Variants in MAGI2 observed in about 807,000 individuals in gnomAD.
The protein encoded by MAGI2 is membrane-associated guanylate kinase, WW and PDZ domain-containing protein 2.
MAGI2 carries 35 observed loss-of-function variants against 133.3 expected under a neutral mutation model. The observed-to-expected ratio is 0.26, with a 90% CI of 0.20 to 0.35. MAGI2 has a LOEUF of 0.35. Ranked by LOEUF, MAGI2 falls within the 10% of genes least tolerant of loss-of-function variation. MAGI2 has a pLI of 1.00. For synonymous variants in MAGI2, 729 were observed against 710.6 expected, an observed-to-expected ratio of 1.03 and a Z score of -0.41; for missense variants, 1,636 against 1,863.4, an observed-to-expected ratio of 0.88 and a Z score of 2.25.
At chr7:78,618,565 A>T (rs1026635535) in intron 3 of MAGI2, 2 of 151,902 alleles carry the variant, frequency 1.3e-5, no homozygotes, top group South Asian at 2.1e-4. Context: ...CACTCAAAGG[A>T]CATGATTTTT....
chr7:78,142,962 C>T (rs1159212746), intron 16 of MAGI2, among the ~76,000 whole-genome samples: 1 of 152,100 alleles, frequency 6.6e-6, no homozygotes, highest in Non-Finnish European at 1.5e-5. Flanking sequence ...CTGTTTGGGT[C>T]TGAATGTCAG....
chr7:78,394,977 T>C (rs1796213389), intron 6 of MAGI2, among the ~76,000 whole-genome samples: 1 of 152,226 alleles, frequency 6.6e-6, no homozygotes, highest in Non-Finnish European at 1.5e-5. Flanking sequence ...TAACCTGAAC[T>C]GGATCTACAA....
At chr7:78,679,789 T>C (rs1815449612) in intron 2 of MAGI2, among the ~76,000 whole-genome samples, 1 of 152,064 alleles carries the variant, frequency 6.6e-6, no homozygotes, top group Non-Finnish European at 1.5e-5. Flanking sequence ...TGATCAGAGA[T>C]GAGGTGCTTT....
At chr7:78,525,633 C>T (rs1301111076) in intron 3 of MAGI2, among the ~76,000 whole-genome samples, 1 of 152,168 alleles carries the variant, frequency 6.6e-6, no homozygotes, top group African/African-American at 2.4e-5. Context: ...CCTCCACAAA[C>T]CCACAACAAT....
At chr7:79,065,603 G>A (rs59593567) in intron 1 of MAGI2, among the ~76,000 whole-genome samples, 5,175 of 152,120 alleles carry the variant, frequency 0.034, 200 homozygotes, top group African/African-American at 0.084. Context: ...AGGTACATGT[G>A]CAGAATGTGC....
intron 5 of MAGI2, among the ~76,000 whole-genome samples, chr7:78,490,788 T>G (rs1230732726): frequency 1.3e-5 from 2 of 152,098 alleles, no homozygotes; most frequent in Non-Finnish European, 2.9e-5. Flanking sequence ...ATGTTTACTG[T>G]GTACAGCTGT....
intron 6 of MAGI2, among the ~76,000 whole-genome samples, chr7:78,473,345 C>T (rs1791421674): frequency 6.6e-6 from 1 of 152,056 alleles, no homozygotes; most frequent in Non-Finnish European, 1.5e-5. Context: ...TTTTTGATGG[C>T]ACACAAGTGT....
At chr7:78,647,568 A>G (rs1811031327) in intron 2 of MAGI2, among the ~76,000 whole-genome samples, 1 of 152,212 alleles carries the variant, frequency 6.6e-6, no homozygotes, top group Non-Finnish European at 1.5e-5. Context: ...TAGTTCAACC[A>G]TCATGGAAGA....
intron 2 of MAGI2, among the ~76,000 whole-genome samples, chr7:78,858,047 T>A (rs1243389103): frequency 6.6e-6 from 1 of 152,162 alleles, no homozygotes; most frequent in Non-Finnish European, 1.5e-5. Flanking sequence ...CACAGAGGTG[T>A]TTATATTATT....
chr7:78,436,400 G>A (rs1800292353), intron 6 of MAGI2, among the ~76,000 whole-genome samples: 1 of 152,094 alleles, frequency 6.6e-6, no homozygotes, highest in African/African-American at 2.4e-5. Flanking sequence ...TGAGGAGAAA[G>A]TCCTTGCAAC....
intron 6 of MAGI2, among the ~76,000 whole-genome samples, chr7:78,402,918 T>A (rs192338510): frequency 1.3e-5 from 2 of 152,224 alleles, no homozygotes; most frequent in Non-Finnish European, 1.5e-5. Flanking sequence ...TATATTGGTA[T>A]AAATTTAACA....
At chr7:78,057,957 C>T (rs918692348) in intron 21 of MAGI2, among the ~76,000 whole-genome samples, 4 of 46,166 alleles carry the variant, frequency 8.7e-5, no homozygotes, top group African/African-American at 2.8e-4. Flanking sequence ...TTTCTCCCCT[C>T]TGGCATTTTA....
intron 9 of MAGI2, among the ~76,000 whole-genome samples, chr7:78,300,999 A>G (rs751870293): frequency 3.9e-5 from 6 of 152,208 alleles, no homozygotes; most frequent in Non-Finnish European, 5.9e-5. Context: ...GTAACCCTGT[A>G]ATGTAGGAAT....
At chr7:79,339,699 G>A (rs958354070) in intron 1 of MAGI2, among the ~76,000 whole-genome samples, 12 of 152,078 alleles carry the variant, frequency 7.9e-5, no homozygotes, top group Non-Finnish European at 1.3e-4. Context: ...TCTAGTACGT[G>A]AGCAGTATTT....
intron 1 of MAGI2, among the ~76,000 whole-genome samples, chr7:79,072,529 G>T (rs1164047115): frequency 6.6e-6 from 1 of 152,094 alleles, no homozygotes; most frequent in African/African-American, 2.4e-5. Flanking sequence ...CTACTATGTG[G>T]TTGATGTATG....
chr7:79,113,020 T>A (rs1819062596), intron 1 of MAGI2, among the ~76,000 whole-genome samples: 1 of 152,248 alleles, frequency 6.6e-6, no homozygotes, highest in Non-Finnish European at 1.5e-5. Context: ...TAACAGATCT[T>A]GCCTTCTTAT....
intron 3 of MAGI2, among the ~76,000 whole-genome samples, chr7:78,573,401 T>TATATATATATAC (rs1563189756): frequency 1.3e-5 from 1 of 74,210 alleles, no homozygotes; most frequent in African/African-American, 5.5e-5. Flanking sequence ...TATATATATA[T>TATATATATATAC]ATAGGCTGCC....
chr7:78,243,222 GAT>G (rs1466484998), intron 10 of MAGI2, among the ~76,000 whole-genome samples: 2 of 117,562 alleles, frequency 1.7e-5, no homozygotes, highest in Non-Finnish European at 3.4e-5. Flanking sequence ...AAATGGTTCA[GAT>G]ACACACACAC....
intron 10 of MAGI2, among the ~76,000 whole-genome samples, chr7:78,205,576 G>T (rs1829656591): frequency 6.6e-6 from 1 of 152,000 alleles, no homozygotes; most frequent in South Asian, 2.1e-4. Context: ...ATACTACATG[G>T]GACATACTGC....
Sources: allele counts gnomAD v4.1 joint callset (sites outside exome capture counted in the v4.1 genomes callset), GRCh38; gene constraint gnomAD v4.1.1; transcripts MANE v1.5; gene names NCBI Gene and HGNC (gene_info 2026-07-23, HGNC 2026-07-21).